The following GRID2 variants were observed in gnomAD, a reference collection of about 807,000 sequenced individuals.
GRID2 encodes the protein glutamate receptor ionotropic, delta-2.
In GRID2, 33 loss-of-function variants were observed where a neutral mutation model predicts 114.8. The observed-to-expected ratio is 0.29, with a 90% CI of 0.22 to 0.38. The LOEUF is 0.38. Among genes scored for constraint, GRID2 ranks in the 10% least tolerant of loss-of-function variants. The pLI is 1.00. For synonymous variants in GRID2, 505 were observed against 449.9 expected (o/e 1.12, Z -1.55); for missense variants, 1,184 against 1,257.7 (o/e 0.94, Z 0.89).
intron 13 of GRID2, among the ~76,000 whole-genome samples, chr4:93,588,513 C>T (rs1560783808): frequency 6.6e-6 from 1 of 152,094 alleles, no homozygotes; most frequent in East Asian, 1.9e-4. Context: ...TTTGCAGTAA[C>T]TATTCAAGGG....
At chr4:92,875,399 C>T (rs1318341026) in intron 2 of GRID2, among the ~76,000 whole-genome samples, 1 of 152,004 alleles carries the variant, frequency 6.6e-6, no homozygotes. Context: ...ATCCTGACTT[C>T]GTAATCCACC....
At chr4:92,720,586 A>T (rs1034979694) in intron 2 of GRID2, among the ~76,000 whole-genome samples, 12 of 152,076 alleles carry the variant, frequency 7.9e-5, no homozygotes, top group African/African-American at 2.9e-4. Flanking sequence ...AAATATATTG[A>T]TTTGTCTATA....
chr4:92,319,106 A>G (rs957586987), intron 1 of GRID2, among the ~76,000 whole-genome samples: 7 of 152,204 alleles, frequency 4.6e-5, no homozygotes, highest in East Asian at 1.9e-4. Context: ...ATTACCTTCT[A>G]TCTCACTCTT....
intron 2 of GRID2, among the ~76,000 whole-genome samples, chr4:92,671,428 T>C (rs1423197423): frequency 6.6e-6 from 1 of 152,134 alleles, no homozygotes; most frequent in Non-Finnish European, 1.5e-5. Flanking sequence ...GTTAGATTCA[T>C]ATTGTATCAA....
intron 8 of GRID2, among the ~76,000 whole-genome samples, chr4:93,383,026 C>T (rs1215941375): frequency 6.6e-6 from 1 of 152,028 alleles, no homozygotes; most frequent in African/African-American, 2.4e-5. Context: ...TTTCCCTGGG[C>T]ATACACAGCA....
At chr4:92,404,698 CATAAA>C (rs1318953584) in intron 1 of GRID2, among the ~76,000 whole-genome samples, 1 of 151,934 alleles carries the variant, frequency 6.6e-6, no homozygotes, top group Non-Finnish European at 1.5e-5. Flanking sequence ...ACTGTGCAGC[CATAAA>C]AAGGAAACAA....
intron 2 of GRID2, among the ~76,000 whole-genome samples, chr4:92,936,264 C>T (rs989977456): frequency 6.8e-6 from 1 of 146,010 alleles, no homozygotes; most frequent in African/African-American, 2.4e-5. Flanking sequence ...TAATTAATAG[C>T]TAAATAGGCT....
rs769908922 is a variant in GRID2 at position 93,455,679 on chromosome 4, T to C, written c.1563T>C (p.Ile521=). The C allele has an allele frequency of 6.2e-7, 1 of 1,610,978 alleles. No individual in the cohort carries two copies. Among genetic ancestry groups the C allele is most frequent in the Non-Finnish European group, 8.5e-7 (1 of 1,177,146 alleles). ...TTTCTCAGAGAGCCGACATAGGGAT[T>C]TCTGCTTTAACCATCACTCCAGATC... ...ELVFKRADIG[I]SALTITPDRE... Residue 521 remains isoleucine (I), a synonymous_variant, in exon 11 of 16, where the codon ATT becomes ATC. Transcript: ENST00000282020.
In GRID2 at chr4:92,868,071, TCTGTCTG is replaced by T. The variant is rs746714071; in HGVS notation, c.245-216923_245-216917del. On this transcript the variant is annotated intron_variant, in intron 2 of 15. Transcript: ENST00000282020. ...TTCTTTCTTTCTTTCTTTCTTTCTG[TCTGTCTG>T]TCTGTCTGTCTTTCTTTCTTTCTCT... Among the ~76,000 whole-genome samples the T allele has an allele frequency of 7.3e-3, 883 of 120,854 alleles. 8 individuals carry two copies. Among genetic ancestry groups the T allele is most frequent in the Middle Eastern group, 0.022 (5 of 228 alleles). The allele number at this position is 120,854 out of a possible 152,430, so 79.3% of individuals were successfully genotyped here.
intron 12 of GRID2, among the ~76,000 whole-genome samples, chr4:93,499,652 C>T (rs977239794): frequency 4.0e-4 from 61 of 151,934 alleles, no homozygotes; most frequent in Admixed American, 3.8e-3. Context: ...CTTCTCTTTG[C>T]GATTTTAAGT....
intron 1 of GRID2, among the ~76,000 whole-genome samples, chr4:92,386,490 T>TAAATAAATAA (rs939886384): frequency 2.0e-5 from 3 of 151,798 alleles, no homozygotes; most frequent in Non-Finnish European, 4.4e-5. Context: ...TGGAAATAAA[T>TAAATAAATAA]AGTAATTAAT....
In GRID2 at chr4:93,071,376, T is replaced by A. The variant is rs1578902670; in HGVS notation, c.245-13619T>A. ...AAAACAGACCAATCTGTGTTCTAGG[T>A]TTAGGGCATAAGGCATTGAGCAAAA... On this transcript the variant is annotated intron_variant, in intron 2 of 15. Transcript: ENST00000282020. Among the ~76,000 whole-genome samples, 5 of 152,176 alleles carry A rather than the reference T, an allele frequency of 3.3e-5. 1 individual carries two copies. In the South Asian group the frequency reaches 1.0e-3, roughly 32 times the overall value.
At chr4:93,634,166 T>A (rs576002194) in intron 14 of GRID2, among the ~76,000 whole-genome samples, 1 of 152,228 alleles carries the variant, frequency 6.6e-6, no homozygotes, top group South Asian at 2.1e-4. Context: ...AGACAATACT[T>A]GCAGGAAAAA....
chr4:93,787,251 T>C (rs1734611098), intron 1 of GRID2, among the ~76,000 whole-genome samples: 2 of 152,074 alleles, frequency 1.3e-5, no homozygotes. Flanking sequence ...AAAACAGTTT[T>C]GTTAAGCATC....
chr4:93,653,368 C>G (rs142949676), intron 14 of GRID2, among the ~76,000 whole-genome samples: 1 of 152,164 alleles, frequency 6.6e-6, no homozygotes, highest in Admixed American at 6.5e-5. Flanking sequence ...CCTAAGGCAC[C>G]TGCCAACTCC....
At chr4:92,987,759 A>G (rs1754598276) in intron 2 of GRID2, among the ~76,000 whole-genome samples, 1 of 97,064 alleles carries the variant, frequency 1.0e-5, no homozygotes, top group African/African-American at 5.9e-5. Flanking sequence ...TCAGAATATT[A>G]AAACAAAAAA....
chr4:93,355,840 C>A (rs1043714685), intron 8 of GRID2, among the ~76,000 whole-genome samples: 3 of 152,182 alleles, frequency 2.0e-5, no homozygotes, highest in Non-Finnish European at 2.9e-5. Flanking sequence ...TGGTCCAATA[C>A]CTACATGCTA....
In GRID2 at chr4:93,774,399, A is replaced by G. The variant is rs1296298726; in HGVS notation, c.*1901A>G. On this transcript the variant is annotated 3_prime_UTR_variant, in exon 16 of 16. Transcript: ENST00000282020. ...TGTTGCAGTGATTTTAGCTATCAACAAACTGTTAACCATGTACAATATTTA... is the reference window on the plus strand; with the variant it reads ...TGTTGCAGTGATTTTAGCTATCAACGAACTGTTAACCATGTACAATATTTA... 6.6e-6 allele frequency: 1 copy of G among 152,134 alleles called. No homozygotes were observed. The highest frequency in any genetic ancestry group is 6.5e-5 in the Admixed American group (1 of 15,270). The allele number at this position is 152,134 out of a possible 1,614,324, so 9.4% of individuals were successfully genotyped here. A position where few individuals can be genotyped will look rare whatever the true frequency, so the allele number is the denominator to read the frequency against.
At chr4:92,786,459 A>G (rs1159300372) in intron 2 of GRID2, among the ~76,000 whole-genome samples, 4 of 151,820 alleles carry the variant, frequency 2.6e-5, no homozygotes, top group Non-Finnish European at 5.9e-5. Context: ...TTAACTCTAT[A>G]TTCTTTTTAG....
Sources: allele counts gnomAD v4.1 joint callset (sites outside exome capture counted in the v4.1 genomes callset), GRCh38; gene constraint gnomAD v4.1.1; transcripts MANE v1.5; gene names NCBI Gene and HGNC (gene_info 2026-07-23, HGNC 2026-07-21).